Variants in ABI2 observed in about 807,000 individuals in gnomAD.
ABI2 encodes the protein abl interactor 2.
Under a neutral mutation model 59.2 loss-of-function variants are expected in ABI2, and 25 were observed. The ratio of observed to expected loss-of-function variants is 0.42; its 90% CI spans 0.31 to 0.59. The LOEUF (loss-of-function observed/expected upper bound fraction) is 0.59. Among genes scored for constraint, ABI2 ranks in the 20% least tolerant of loss-of-function variants. ABI2 has a pLI of 0.14. For missense variants in ABI2, 545 were observed against 681.8 expected (o/e 0.80, Z 2.23); for synonymous variants, 213 against 235.5 (o/e 0.90, Z 0.87).
chr2:203,366,674 A>G (rs777579796), intron 1 of ABI2, among the ~76,000 whole-genome samples: 4 of 152,222 alleles, frequency 2.6e-5, no homozygotes, highest in South Asian at 2.1e-4. Context: ...AGATGTGTCT[A>G]TTCAACATGA....
intron 8 of ABI2, among the ~76,000 whole-genome samples, chr2:203,398,440 TTAAC>T (rs2097093874): frequency 6.6e-6 from 1 of 152,238 alleles, no homozygotes; most frequent in Non-Finnish European, 1.5e-5. Flanking sequence ...GAGGGGATAA[TTAAC>T]TGTGGTTTTT....
intron 1 of ABI2, among the ~76,000 whole-genome samples, chr2:203,363,809 G>C (rs563311245): frequency 5.3e-4 from 81 of 152,118 alleles, no homozygotes; most frequent in African/African-American, 1.8e-3. Context: ...TTGTTACCCA[G>C]GCTGGAGTGC....
chr2:203,390,904 T>C lies in ABI2; in HGVS notation c.481-142T>C. 4.6e-6 allele frequency: 3 copies of C among 650,876 alleles called. No homozygotes were observed. In the Admixed American group the frequency reaches 7.1e-5, roughly 15 times the overall value. 40.3% of individuals were successfully genotyped at this position (650,876 alleles called of 1,614,324 possible). On this transcript the variant is annotated intron_variant, in intron 4 of 11. Transcript: ENST00000261018. ...TGTAGAGTAATAGTAGAGTAGAGAT[T>C]GCATATGAAATGCATGGCCTCTAAT...
intron 1 of ABI2, among the ~76,000 whole-genome samples, chr2:203,361,852 T>C (rs2093566390): frequency 6.6e-6 from 1 of 152,224 alleles, no homozygotes; most frequent in African/African-American, 2.4e-5. Flanking sequence ...CAAAGCTGTG[T>C]CTGTGCTAAG....
chr2:203,424,498 G>A (rs1456349056), intron 11 of ABI2, among the ~76,000 whole-genome samples: 2 of 152,200 alleles, frequency 1.3e-5, no homozygotes, highest in East Asian at 1.9e-4. Context: ...GGGCTCAAGC[G>A]ATCCTCCTGC....
chr2:203,413,178 G>A (rs1207452026), intron 10 of ABI2, among the ~76,000 whole-genome samples: 2 of 152,156 alleles, frequency 1.3e-5, no homozygotes, highest in Non-Finnish European at 2.9e-5. Flanking sequence ...TGGAGTAAAG[G>A]CCAGATTTTG....
At chr2:203,337,351 C>T (rs1438277675) in intron 1 of ABI2, among the ~76,000 whole-genome samples, 2 of 152,116 alleles carry the variant, frequency 1.3e-5, no homozygotes, top group Non-Finnish European at 2.9e-5. Flanking sequence ...TACATATTAA[C>T]TACAAACGAT....
chr2:203,360,184 C>CAAAAAAAAAAAAAAAAAAAAAAAAAA (rs58857922), intron 1 of ABI2, among the ~76,000 whole-genome samples: 1 of 70,904 alleles, frequency 1.4e-5, no homozygotes. Flanking sequence ...GACTCCATCT[C>CAAAAAAAAAAAAAAAAAAAAAAAAAA]AAAAAAAAAA....
chr2:203,395,705 C>T lies in ABI2; in HGVS notation c.775C>T (p.Arg259Ter). The change falls in exon 7 of 12, where the codon CGA becomes TGA. Residue 259 changes from arginine to a stop codon, truncating the protein, a stop_gained. Transcript: ENST00000261018. LOFTEE classifies it high-confidence loss of function. ...GSHPSSRSSSRENSGSGSVGV... is the reference protein window; with the variant it reads ...GSHPSSRSSS Reference sequence around the variant, plus strand: ...CCACCCAAGTAGTCGGAGCAGCAGTCGAGAGAACAGTGGAAGTGGTAGTGT... The same window carrying T: ...CCACCCAAGTAGTCGGAGCAGCAGTTGAGAGAACAGTGGAAGTGGTAGTGT... 1.9e-6 allele frequency: 3 copies of T among 1,612,410 alleles called. No individual in the cohort carries two copies. Among genetic ancestry groups the T allele is most frequent in the Non-Finnish European group, 2.5e-6 (3 of 1,179,314 alleles).
rs1352919896 is a variant in ABI2 at position 203,430,795 on chromosome 2, A to T, written c.*3443A>T. On this transcript the variant is annotated 3_prime_UTR_variant, in exon 12 of 12. Transcript: ENST00000261018. ...TATCCAGCTAGACAATATTTTATGC[A>T]TATTTACCGTGATGTCTGGACCGTA... 1 of 152,128 alleles carries T rather than the reference A, an allele frequency of 6.6e-6. No homozygotes were observed. The highest frequency in any genetic ancestry group is 2.4e-5 in the African/African-American group (1 of 41,408). 9.4% of individuals were successfully genotyped at this position (152,128 alleles called of 1,614,324 possible). A position where few individuals can be genotyped will look rare whatever the true frequency, so the allele number is the denominator to read the frequency against.
At chr2:203,362,868 G>C (rs1411604727) in intron 1 of ABI2, among the ~76,000 whole-genome samples, 2 of 151,952 alleles carry the variant, frequency 1.3e-5, no homozygotes, top group Non-Finnish European at 2.9e-5. Context: ...GTCTCACTCT[G>C]TTGCCCAGAC....
At chr2:203,363,046 G>A (rs1394237144) in intron 1 of ABI2, among the ~76,000 whole-genome samples, 1 of 152,034 alleles carries the variant, frequency 6.6e-6, no homozygotes, top group Non-Finnish European at 1.5e-5. Context: ...GGCCAGGCTG[G>A]TCTTGAACTC....
chr2:203,394,910 C>T (rs2096911090), intron 6 of ABI2, 64 bp downstream of exon 6: 2 of 1,546,150 alleles, frequency 1.3e-6, no homozygotes, highest in East Asian at 4.5e-5. Flanking sequence ...CAGATTACTT[C>T]AGGTAAATCT....
chr2:203,370,186 T>TTCTCTCTCTCTCTCTCTCTCTCTC (rs71007509), intron 2 of ABI2, among the ~76,000 whole-genome samples: 2 of 136,686 alleles, frequency 1.5e-5, no homozygotes, highest in South Asian at 2.5e-4. Flanking sequence ...CATTCTCCTA[T>TTCTCTCTCTCTCTCTCTCTCTCTC]TCTCTCTCTC....
At chr2:203,374,549 A>T (rs1304927225) in intron 2 of ABI2, among the ~76,000 whole-genome samples, 1 of 151,904 alleles carries the variant, frequency 6.6e-6, no homozygotes, top group East Asian at 1.9e-4. Flanking sequence ...AAGGAGATAC[A>T]CTGAAGGTTA....
In ABI2 at chr2:203,334,536, A is replaced by C. The variant is rs75943779; in HGVS notation, c.117+5905A>C. Among the ~76,000 whole-genome samples, 380 of 152,252 alleles carry C rather than the reference A, an allele frequency of 2.5e-3. 9 individuals carry two copies. The East Asian group carries it at 0.067, about 27-fold the overall frequency. ...CTGTGATTTGCTTACACCCACCCCAAATCCATTTTGCAGCACCCTACTCAC... is the reference window on the plus strand; with the variant it reads ...CTGTGATTTGCTTACACCCACCCCACATCCATTTTGCAGCACCCTACTCAC... On this transcript the variant is annotated intron_variant, in intron 1 of 11. Transcript: ENST00000261018.
intron 10 of ABI2, among the ~76,000 whole-genome samples, chr2:203,411,786 G>C (rs1440968822): frequency 6.6e-6 from 1 of 152,184 alleles, no homozygotes; most frequent in Non-Finnish European, 1.5e-5. Flanking sequence ...GTAGGGCTCA[G>C]AGGACCAGGC....
intron 11 of ABI2, among the ~76,000 whole-genome samples, chr2:203,420,560 A>T (rs1441327418): frequency 2.0e-5 from 3 of 151,850 alleles, no homozygotes; most frequent in Non-Finnish European, 2.9e-5. Context: ...CACCCGGCTA[A>T]TTTTTTGTAT....
At chr2:203,394,373 A>G (rs562393303) in intron 5 of ABI2, 64 of 195,760 alleles carry the variant, frequency 3.3e-4, no homozygotes, top group African/African-American at 1.5e-3. Flanking sequence ...ATATGATACT[A>G]AAAGAATTCC....
Sources: allele counts gnomAD v4.1 joint callset (sites outside exome capture counted in the v4.1 genomes callset), GRCh38; gene constraint gnomAD v4.1.1; transcripts MANE v1.5; gene names NCBI Gene and HGNC (gene_info 2026-07-23, HGNC 2026-07-21).